ABI3BP: variants seen among roughly 807,000 people sequenced by gnomAD.
ABI3BP encodes the protein target of Nesh-SH3.
ABI3BP carries 216 observed loss-of-function variants against 268.6 expected under a neutral mutation model. That is an observed-to-expected ratio of 0.80 (90% confidence interval 0.72 to 0.90). The LOEUF (loss-of-function observed/expected upper bound fraction) is 0.90. Ranked by LOEUF, ABI3BP falls within the 40% of genes least tolerant of loss-of-function variation. The probability of loss-of-function intolerance (pLI) is 0.00; values close to 1 mark genes in which losing one functional copy is unlikely to be tolerated. For synonymous variants in ABI3BP, 730 were observed against 730.0 expected (o/e 1.00, Z 0.00); for missense variants, 2,090 against 2,182.4 (o/e 0.96, Z 0.84).
chr3:100,917,685 G>A (rs1454666445), intron 2 of ABI3BP, among the ~76,000 whole-genome samples: 2 of 152,104 alleles, frequency 1.3e-5, no homozygotes, highest in Non-Finnish European at 2.9e-5. Flanking sequence ...TTTGATCTCA[G>A]TGCATTGTGG....
At chr3:100,893,842 A>T (rs1157326748) in intron 4 of ABI3BP, among the ~76,000 whole-genome samples, 1 of 152,180 alleles carries the variant, frequency 6.6e-6, no homozygotes, top group Non-Finnish European at 1.5e-5. Context: ...ATCACTGGAG[A>T]AGCAAAGGCT....
In ABI3BP at chr3:100,835,583, G is replaced by A; in HGVS notation, c.2191+18C>T. 1.3e-6 allele frequency: 2 copies of A among 1,521,294 alleles called. No individual in the cohort carries two copies. Among genetic ancestry groups the A allele is most frequent in the South Asian group, 1.2e-5 (1 of 82,892 alleles). The allele number at this position is 1,521,294 out of a possible 1,614,324, so 94.2% of individuals were successfully genotyped here. On this transcript the variant is annotated intron_variant, in intron 28 of 67. Transcript: ENST00000471714. Reference sequence around the variant, plus strand: ...TGAGCAGAAAAAACTCATACTTAAAGACATAAGAGGTCATTACCTAATGTT... The same window carrying A: ...TGAGCAGAAAAAACTCATACTTAAAAACATAAGAGGTCATTACCTAATGTT...
At position 100,784,617 on chromosome 3, in the gene ABI3BP, T is replaced by G. The variant is rs115698307; in HGVS notation, c.4162+3111A>C. Among the ~76,000 whole-genome samples the G allele has an allele frequency of 3.6e-3, 549 of 152,280 alleles. 5 individuals are homozygous for G. The highest frequency in any genetic ancestry group is 5.3e-3 in the Non-Finnish European group (360 of 68,020). The stretch of plus-strand genomic sequence containing the variant: ...AGCACAATTCACAATTGCAAAGATA[T>G]GGAACCAACTTAAGTGACCATTGAC... On this transcript the variant is annotated intron_variant, in intron 57 of 67. Transcript: ENST00000471714.
intron 3 of ABI3BP, among the ~76,000 whole-genome samples, chr3:100,899,562 G>A (rs1396270002): frequency 6.6e-6 from 1 of 152,146 alleles, no homozygotes; most frequent in East Asian, 1.9e-4. Context: ...ATAATGCCAA[G>A]AGTTATGCTA....
chr3:100,855,771 A>T lies in ABI3BP; in HGVS notation c.1286-3831T>A, dbSNP rs563847330. Among the ~76,000 whole-genome samples, 4 of 152,360 alleles carry T rather than the reference A, an allele frequency of 2.6e-5. No homozygotes were observed. The East Asian group carries it at 7.7e-4, about 29-fold the overall frequency. ...GTCATGGAAATGGAATTCTAAAAAA[A>T]ATATATGAAGGAGCAATGAGAAAAA... On this transcript the variant is annotated intron_variant, in intron 14 of 67. Coordinates refer to ENST00000471714, the MANE Select transcript of ABI3BP (RefSeq NM_001375547.2).
intron 1 of ABI3BP, among the ~76,000 whole-genome samples, chr3:100,991,627 T>C (rs2092930852): frequency 6.6e-6 from 1 of 152,200 alleles, no homozygotes; most frequent in African/African-American, 2.4e-5. Flanking sequence ...CTCAATAGCT[T>C]TCCAATAAAG....
intron 5 of ABI3BP, 66 bp from the exon 6 acceptor site, chr3:100,885,654 T>G (rs2041647884): frequency 1.0e-6 from 1 of 994,518 alleles, no homozygotes; most frequent in African/African-American, 1.6e-5. Context: ...CTCTAGCTAA[T>G]CATTATGAAG....
chr3:100,923,297 A>G (rs1363462985), intron 2 of ABI3BP, among the ~76,000 whole-genome samples: 1 of 152,156 alleles, frequency 6.6e-6, no homozygotes, highest in East Asian at 1.9e-4. Context: ...TCCAGCCTAA[A>G]TATTCTACAC....
At position 100,838,232 on chromosome 3, in the gene ABI3BP, T is replaced by C. The variant is rs1231129948; in HGVS notation, c.2061A>G (p.Pro687=). Residue 687 remains proline, a synonymous_variant, in exon 26 of 68, where the codon CCA becomes CCG. Coordinates refer to ENST00000471714, the MANE Select transcript of ABI3BP (RefSeq NM_001375547.2). ...LLPKPQTTAE[P]DMPPTKSVSE... ...TACCGGATTTAGTTGGTGGCATGTC[T>C]GGTTCTGCTGTGGTTTGGGGTTTAG... 1.3e-6 allele frequency: 2 copies of C among 1,536,486 alleles called. No homozygotes were observed. The highest frequency in any genetic ancestry group is 2.7e-5 in the African/African-American group (2 of 73,158).
At chr3:100,978,966 A>C (rs566307904) in intron 1 of ABI3BP, among the ~76,000 whole-genome samples, 1 of 152,346 alleles carries the variant, frequency 6.6e-6, no homozygotes, top group African/African-American at 2.4e-5. Flanking sequence ...AGGATTCTGC[A>C]TACTTAGCAG....
chr3:100,841,220 T>TG (rs1327548216), intron 21 of ABI3BP, among the ~76,000 whole-genome samples: 24 of 119,580 alleles, frequency 2.0e-4, no homozygotes, highest in African/African-American at 7.1e-4. Flanking sequence ...TTTTTTTTTT[T>TG]TTTTTTTGCT....
rs563760075 is a variant in ABI3BP, at chr3:100,777,067, G to A, written c.4333+1217C>T. Among the ~76,000 whole-genome samples the A allele has an allele frequency of 2.6e-5, 4 of 152,308 alleles. 1 individual carries two copies. The South Asian group carries it at 8.3e-4, about 32-fold the overall frequency. On this transcript the variant is annotated intron_variant, in intron 59 of 67. Coordinates refer to ENST00000471714, the MANE Select transcript of ABI3BP (RefSeq NM_001375547.2). ...TCAGAAAGGCACCAGAGGTATGGAT[G>A]GGAGGCTGCTTCCTCCTTCAGCCCA...
intron 1 of ABI3BP, among the ~76,000 whole-genome samples, chr3:100,968,999 G>A (rs918897259): frequency 5.9e-5 from 9 of 152,164 alleles, no homozygotes; most frequent in Non-Finnish European, 1.3e-4. Context: ...GATTTGCTGA[G>A]CTTTTTCAAA....
At position 100,962,583 on chromosome 3, in the gene ABI3BP, C is replaced by T. The variant is rs1460198539; in HGVS notation, c.79+30723G>A. Among the ~76,000 whole-genome samples the T allele has an allele frequency of 2.0e-5, 3 of 152,162 alleles. No individual in the cohort carries two copies. The East Asian group carries it at 5.8e-4, about 29-fold the overall frequency. On this transcript the variant is annotated intron_variant, in intron 1 of 67. Coordinates refer to ENST00000471714, the MANE Select transcript of ABI3BP (RefSeq NM_001375547.2). ...TGAAATAGCTTCTGTGTCAATTACA[C>T]AAACAAAACACTCTCTGTAAGGTCA...
rs927075997 is a variant in ABI3BP at position 100,979,179 on chromosome 3, C to T, written c.79+14127G>A. Reference sequence around the variant, plus strand: ...TGCTTGCTAAGCTAGAGGACCACTGCGCTCAGTGATTCTTTGCTTCTCCAT... The same window carrying T: ...TGCTTGCTAAGCTAGAGGACCACTGTGCTCAGTGATTCTTTGCTTCTCCAT... On this transcript the variant is annotated intron_variant, in intron 1 of 67. Transcript: ENST00000471714. Among the ~76,000 whole-genome samples the T allele has an allele frequency of 6.6e-5, 10 of 152,194 alleles. No individual in the cohort carries two copies. In the South Asian group the frequency reaches 1.0e-3, roughly 16 times the overall value.
At chr3:100,857,389 C>T (rs1197455150) in intron 14 of ABI3BP, among the ~76,000 whole-genome samples, 1 of 152,158 alleles carries the variant, frequency 6.6e-6, no homozygotes, top group African/African-American at 2.4e-5. Context: ...ACGTAACCAC[C>T]TGGTGAAAAA....
chr3:100,857,922 A>G lies in ABI3BP; in HGVS notation c.1285+4389T>C, dbSNP rs1013315010. ...TTGTATTCCAGTAGAGAAATGATCC[A>G]ACAAGCAGGTGCACATACGTGCACA... is the stretch of plus-strand genomic sequence containing the variant. On this transcript the variant is annotated intron_variant, in intron 14 of 67. Coordinates refer to ENST00000471714, the MANE Select transcript of ABI3BP (RefSeq NM_001375547.2). Among the ~76,000 whole-genome samples, 10 of 152,346 alleles carry G rather than the reference A, an allele frequency of 6.6e-5. No homozygotes were observed. The East Asian group carries it at 7.7e-4, about 12-fold the overall frequency.
intron 6 of ABI3BP, among the ~76,000 whole-genome samples, chr3:100,880,716 G>A (rs760730683): frequency 8.5e-5 from 13 of 152,146 alleles, no homozygotes; most frequent in African/African-American, 3.1e-4. Flanking sequence ...AGCAGCAGAC[G>A]CTGCTACCAC....
At chr3:100,856,637 G>A (rs972407432) in intron 14 of ABI3BP, among the ~76,000 whole-genome samples, 3 of 152,174 alleles carry the variant, frequency 2.0e-5, no homozygotes, top group African/African-American at 4.8e-5. Context: ...TAATGGGTTT[G>A]CAAGCATTGT....
Sources: allele counts gnomAD v4.1 joint callset (sites outside exome capture counted in the v4.1 genomes callset), GRCh38; gene constraint gnomAD v4.1.1; transcripts MANE v1.5; gene names NCBI Gene and HGNC (gene_info 2026-07-23, HGNC 2026-07-21).